The following HOPX variants were observed in gnomAD, a reference collection of about 807,000 sequenced individuals.
The protein encoded by HOPX is HOP homeobox, also known as homeodomain-only protein.
HOPX carries 5 observed loss-of-function variants against 11.8 expected under a neutral mutation model. The observed-to-expected ratio is 0.43, with a 90% CI of 0.22 to 0.89. The LOEUF is 0.89. Ranked by LOEUF, HOPX falls within the 40% of genes least tolerant of loss-of-function variation. The pLI is 0.28. For synonymous variants in HOPX, 49 were observed against 49.7 expected (o/e 0.99, Z 0.06); for missense variants, 119 against 120.0 (o/e 0.99, Z 0.04).
In HOPX at chr4:56,655,867, T is replaced by C. The variant is rs980166334; in HGVS notation, c.188A>G (p.Glu63Gly). Reference protein sequence around the residue: ...LIAAEAGLSEEETQKWFKQRL... With the variant: ...LIAAEAGLSEGETQKWFKQRL... ...CGTGTGGGGACGCACCTGGGTCTCCTCCTCGGAAAGGCCTGCCTCGGCCGC... is the reference window on the plus strand; with the variant it reads ...CGTGTGGGGACGCACCTGGGTCTCCCCCTCGGAAAGGCCTGCCTCGGCCGC... Residue 63 changes from glutamate (E) to glycine (G), a missense_variant, in exon 3 of 4, where the codon GAG becomes GGG. Transcript: ENST00000420433. The C allele has an allele frequency of 1.2e-6, 2 of 1,611,238 alleles. No homozygotes were observed. The highest frequency in any genetic ancestry group is 2.7e-5 in the African/African-American group (2 of 74,730).
chr4:56,679,463 G>A (rs1029312280), intron 1 of HOPX: 2 of 151,430 alleles, frequency 1.3e-5, no homozygotes, highest in African/African-American at 4.9e-5. Flanking sequence ...AAGTAACCAT[G>A]GATCTTCTTT....
Position 56,656,084 on chromosome 4 carries a change from C to A in HOPX, c.43-72G>T. 6.6e-6 allele frequency: 9 copies of A among 1,372,920 alleles called. No homozygotes were observed. The South Asian group carries it at 6.6e-5, about 10-fold the overall frequency. 85.0% of individuals were successfully genotyped at this position (1,372,920 alleles called of 1,614,324 possible). A position where few individuals can be genotyped will look rare whatever the true frequency, so the allele number is the denominator to read the frequency against. ...GCGGGACGCAGCGAAGGAAGGCGGT[C>A]GCGGCGCCGCCGGGCAGCCCCAGCC... On this transcript the variant is annotated intron_variant, in intron 2 of 3. Transcript: ENST00000420433.
At chr4:56,669,522 G>A (rs1200560344) in intron 1 of HOPX, among the ~76,000 whole-genome samples, 1 of 152,096 alleles carries the variant, frequency 6.6e-6, no homozygotes, top group African/African-American at 2.4e-5. Flanking sequence ...AGCCAGATGA[G>A]GTGGTGGGGG....
intron 1 of HOPX, among the ~76,000 whole-genome samples, chr4:56,675,368 T>C (rs1036218662): frequency 3.3e-5 from 5 of 151,540 alleles, no homozygotes; most frequent in Non-Finnish European, 7.3e-5. Flanking sequence ...TAGGTAACCA[T>C]ATAGTTCATT....
chr4:56,656,298 G>A, intron 2 of HOPX: 1 of 1,126,264 alleles, frequency 8.9e-7, no homozygotes, highest in Non-Finnish European at 1.1e-6. Flanking sequence ...CTGTATCCCT[G>A]CCTGCGACGG....
intron 3 of HOPX, among the ~76,000 whole-genome samples, chr4:56,654,759 A>G (rs1277141834): frequency 6.6e-6 from 1 of 152,210 alleles, no homozygotes; most frequent in African/African-American, 2.4e-5. Flanking sequence ...GATCCATTAC[A>G]AGCTTCTAAA....
intron 3 of HOPX, among the ~76,000 whole-genome samples, chr4:56,654,001 C>A (rs1717445698): frequency 6.6e-6 from 1 of 152,176 alleles, no homozygotes; most frequent in African/African-American, 2.4e-5. Flanking sequence ...AAGACAGCAC[C>A]AAGAGAGTTG....
At chr4:56,673,846 A>G (rs1192487875) in intron 1 of HOPX, among the ~76,000 whole-genome samples, 1 of 151,934 alleles carries the variant, frequency 6.6e-6, no homozygotes, top group African/African-American at 2.4e-5. Context: ...CTGGGATTAC[A>G]GGCATGCACC....
At chr4:56,661,651 G>GT (rs1186037935) in intron 1 of HOPX, among the ~76,000 whole-genome samples, 1 of 152,190 alleles carries the variant, frequency 6.6e-6, no homozygotes, top group African/African-American at 2.4e-5. Flanking sequence ...GTTGTTGTGT[G>GT]TTCTTTTTAT....
intron 3 of HOPX, among the ~76,000 whole-genome samples, chr4:56,653,400 TG>T (rs1223145320): frequency 6.6e-6 from 1 of 152,026 alleles, no homozygotes; most frequent in African/African-American, 2.4e-5. Context: ...AAAATATAAA[TG>T]TTGTTTGAGA....
At chr4:56,674,549 T>C (rs1040681761) in intron 1 of HOPX, among the ~76,000 whole-genome samples, 1 of 151,680 alleles carries the variant, frequency 6.6e-6, no homozygotes, top group African/African-American at 2.4e-5. Flanking sequence ...CTGCCCAGTA[T>C]ACACTAAGAG....
intron 2 of HOPX, chr4:56,656,236 G>A: frequency 8.7e-7 from 1 of 1,156,062 alleles, no homozygotes; most frequent in Non-Finnish European, 1.1e-6. Flanking sequence ...CGGGCTGACG[G>A]CAGAGCCTAG....
chr4:56,653,850 T>G (rs1265048752), intron 3 of HOPX, among the ~76,000 whole-genome samples: 1 of 152,252 alleles, frequency 6.6e-6, no homozygotes, highest in African/African-American at 2.4e-5. Context: ...CTGAATTGGC[T>G]GACCTCAGTC....
chr4:56,656,066 G>A lies in HOPX; in HGVS notation c.43-54C>T, dbSNP rs920397589. The A allele has an allele frequency of 7.6e-6, 11 of 1,441,636 alleles. No individual in the cohort carries two copies. The African/African-American group carries it at 1.0e-4, about 14-fold the overall frequency. 89.3% of individuals were successfully genotyped at this position (1,441,636 alleles called of 1,614,324 possible). On this transcript the variant is annotated intron_variant, in intron 2 of 3. Transcript: ENST00000420433. ...GAGCGAGGCGTGGAGCGGGCGGGAC[G>A]CAGCGAAGGAAGGCGGTCGCGGCGC...
chr4:56,659,305 G>C (rs1262790904), intron 1 of HOPX: 1 of 152,176 alleles, frequency 6.6e-6, no homozygotes, highest in Non-Finnish European at 1.5e-5. Context: ...TGAACTTCCT[G>C]GAAGCAATGG....
At chr4:56,681,464 G>A, upstream of HOPX, 1 of 992,304 alleles carries the variant, frequency 1.0e-6, no homozygotes, top group Non-Finnish European at 1.2e-6. Context: ...GTCTCTCCTG[G>A]TTATTCAGGT....
chr4:56,652,232 T>C (rs1419021030), intron 3 of HOPX, among the ~76,000 whole-genome samples: 1 of 152,042 alleles, frequency 6.6e-6, no homozygotes, highest in African/African-American at 2.4e-5. Flanking sequence ...GGCCAGCAAA[T>C]CTCCCAAGAC....
intron 3 of HOPX, chr4:56,649,139 G>T (rs1037805296): frequency 1.6e-5 from 3 of 189,304 alleles, no homozygotes; most frequent in Non-Finnish European, 3.3e-5. Context: ...TTAGTATTTT[G>T]TTACTTTCAC....
intron 2 of HOPX, 73 bp from the exon 3 acceptor site, chr4:56,656,085 G>A: frequency 7.3e-7 from 1 of 1,373,696 alleles, no homozygotes; most frequent in Non-Finnish European, 9.4e-7. Context: ...GAAGGCGGTC[G>A]CGGCGCCGCC....
Sources: gnomAD v4.1 joint callset for allele counts (sites outside exome capture counted in the v4.1 genomes callset) on GRCh38, gnomAD v4.1.1 for gene constraint, MANE v1.5 for transcripts, NCBI Gene and HGNC (gene_info 2026-07-23, HGNC 2026-07-21) for gene names.